Variants in C14orf39 observed in about 807,000 individuals in gnomAD.
C14orf39 encodes protein SIX6OS1.
Under a neutral mutation model 85.6 loss-of-function variants are expected in C14orf39, and 66 were observed. The ratio of observed to expected loss-of-function variants is 0.77; its 90% CI spans 0.63 to 0.95. The LOEUF is 0.95. Ranked by LOEUF, C14orf39 falls within the 40% of genes least tolerant of loss-of-function variation. The probability of loss-of-function intolerance (pLI) is 0.00; values close to 1 mark genes in which losing one functional copy is unlikely to be tolerated. For missense variants in C14orf39, 735 were observed against 663.9 expected (o/e 1.11, Z -1.18); for synonymous variants, 242 against 214.0 (o/e 1.13, Z -1.14).
At chr14:60,501,238 C>T (rs895556900) in intron 1 of C14orf39, among the ~76,000 whole-genome samples, 3 of 142,790 alleles carry the variant, frequency 2.1e-5, no homozygotes, top group South Asian at 4.4e-4. Flanking sequence ...GCCAGGAGTT[C>T]GAGGTTGCAG....
intron 1 of C14orf39, among the ~76,000 whole-genome samples, chr14:60,502,318 A>G (rs1177823522): frequency 6.6e-6 from 1 of 152,232 alleles, no homozygotes; most frequent in Non-Finnish European, 1.5e-5. Flanking sequence ...AAGGGAACAT[A>G]AATATGAATT....
intron 10 of C14orf39, 107 bp downstream of exon 10, chr14:60,466,810 A>G: frequency 1.3e-6 from 1 of 786,090 alleles, no homozygotes; most frequent in Non-Finnish European, 1.8e-6. Context: ...ATAGGTCTCC[A>G]GTATTGTTTT....
intron 5 of C14orf39, among the ~76,000 whole-genome samples, chr14:60,474,166 A>G (rs1832400888): frequency 6.6e-6 from 1 of 152,074 alleles, no homozygotes; most frequent in Admixed American, 6.6e-5. Flanking sequence ...CTTTGAAGCA[A>G]TTGTGAATGG....
At chr14:60,499,742 G>A (rs977983533) in intron 1 of C14orf39, among the ~76,000 whole-genome samples, 16 of 152,164 alleles carry the variant, frequency 1.1e-4, no homozygotes, top group African/African-American at 3.9e-4. Flanking sequence ...TAAAAGGCAA[G>A]TGAAAAACTG....
intron 11 of C14orf39, among the ~76,000 whole-genome samples, chr14:60,463,450 C>T (rs1891634232): frequency 6.6e-6 from 1 of 151,940 alleles, no homozygotes; most frequent in Non-Finnish European, 1.5e-5. Flanking sequence ...CTTCACCACA[C>T]TGTTATAATT....
chr14:60,485,206 A>T, intron 1 of C14orf39, 120 bp from the exon 2 acceptor site: 1 of 820,752 alleles, frequency 1.2e-6, no homozygotes. Context: ...CAGAGCCAGA[A>T]CTGGAAGACG....
rs777556525 is a variant in C14orf39, at chr14:60,436,797, C to A, written c.*48G>T. 95 of 1,263,310 alleles carry A rather than the reference C, an allele frequency of 7.5e-5. No individual in the cohort carries two copies. Among genetic ancestry groups the A allele is most frequent in the Non-Finnish European group, 9.8e-5 (87 of 892,054 alleles). The allele number at this position is 1,263,310 out of a possible 1,614,324, so 78.3% of individuals were successfully genotyped here. On this transcript the variant is annotated 3_prime_UTR_variant, in exon 18 of 18. Transcript: ENST00000321731. ...TTTAAGCAATAATGTAAATTTATGC[C>A]CTCATGAACACAGAACAGTAAAATA...
At chr14:60,472,489 G>A (rs1013087508) in intron 5 of C14orf39, among the ~76,000 whole-genome samples, 17 of 152,032 alleles carry the variant, frequency 1.1e-4, no homozygotes. Context: ...CCATGTTGGT[G>A]TGCTGCACCC....
intron 8 of C14orf39, 58 bp downstream of exon 8, chr14:60,469,475 C>T: frequency 1.4e-6 from 1 of 690,998 alleles, no homozygotes; most frequent in South Asian, 5.4e-5. Flanking sequence ...TGTCAACTAA[C>T]ATACCATTAT....
chr14:60,474,595 T>C (rs1438712329), intron 5 of C14orf39, among the ~76,000 whole-genome samples: 1 of 152,098 alleles, frequency 6.6e-6, no homozygotes, highest in Admixed American at 6.6e-5. Flanking sequence ...AATTTATTGA[T>C]AGTTTTTAGC....
intron 16 of C14orf39, among the ~76,000 whole-genome samples, chr14:60,446,484 C>G (rs1890772218): frequency 6.6e-6 from 1 of 152,102 alleles, no homozygotes; most frequent in African/African-American, 2.4e-5. Flanking sequence ...ATACACCCTC[C>G]AAAGACTAAA....
intron 11 of C14orf39, among the ~76,000 whole-genome samples, chr14:60,465,182 G>A (rs1308007310): frequency 6.6e-6 from 1 of 152,078 alleles, no homozygotes; most frequent in Non-Finnish European, 1.5e-5. Context: ...GACATCATCT[G>A]GAATTTCAGT....
At chr14:60,509,178 TG>T (rs1893249744) in intron 1 of C14orf39, 1 of 580,956 alleles carries the variant, frequency 1.7e-6, no homozygotes, top group Non-Finnish European at 3.1e-6. Context: ...CCGGCGTGCC[TG>T]AGCCGAGCCG....
chr14:60,506,718 G>A (rs1033931621), intron 1 of C14orf39, among the ~76,000 whole-genome samples: 2 of 152,214 alleles, frequency 1.3e-5, no homozygotes, highest in Non-Finnish European at 2.9e-5. Flanking sequence ...CCACCAGACA[G>A]TGCTCCTACT....
intron 1 of C14orf39, among the ~76,000 whole-genome samples, chr14:60,506,362 G>A (rs1594629675): frequency 1.3e-5 from 2 of 152,306 alleles, no homozygotes; most frequent in East Asian, 3.9e-4. Context: ...ATACCCTTCT[G>A]TAAAATTAAG....
At position 60,471,628 on chromosome 14, in the gene C14orf39, A is replaced by G. The variant is rs1892085174; in HGVS notation, c.435T>C (p.His145=). The change falls in exon 6 of 18, where the codon CAT becomes CAC. Residue 145 remains histidine (H), a synonymous_variant. Transcript: ENST00000321731. ...CCAACACTCTGCTTTGAATTTCTTC[A>G]TGTTCTCTTTTCTTCTCATAATATT... is the stretch of plus-strand genomic sequence containing the variant. The part of the protein sequence containing the change: ...SREYYEKKRE[H]EEIQSRVLAC... The G allele has an allele frequency of 6.2e-7, 1 of 1,611,156 alleles. No individual in the cohort carries two copies. The highest frequency in any genetic ancestry group is 8.5e-7 in the Non-Finnish European group (1 of 1,178,484).
chr14:60,444,195 G>T (rs970757579), intron 16 of C14orf39, among the ~76,000 whole-genome samples: 5 of 152,194 alleles, frequency 3.3e-5, no homozygotes, highest in Admixed American at 6.5e-5. Context: ...GACAGAAAAT[G>T]ACTTTGACGA....
chr14:60,470,228 A>G (rs996271609), intron 7 of C14orf39, among the ~76,000 whole-genome samples: 1 of 151,808 alleles, frequency 6.6e-6, no homozygotes, highest in Non-Finnish European at 1.5e-5. Context: ...CCCAATTTCA[A>G]GTAAAAAATC....
intron 1 of C14orf39, among the ~76,000 whole-genome samples, chr14:60,506,748 C>A (rs1365458731): frequency 6.6e-6 from 1 of 152,228 alleles, no homozygotes; most frequent in Non-Finnish European, 1.5e-5. Flanking sequence ...GCAGCCCGCA[C>A]CCTTCTGGCG....
Sources: allele counts gnomAD v4.1 joint callset (sites outside exome capture counted in the v4.1 genomes callset), GRCh38; gene constraint gnomAD v4.1.1; transcripts MANE v1.5; gene names NCBI Gene and HGNC (gene_info 2026-07-23, HGNC 2026-07-21).